The following PRLHR variants were observed in gnomAD, a reference collection of about 807,000 sequenced individuals.
The protein encoded by PRLHR is prolactin releasing hormone receptor, also known as prolactin-releasing peptide receptor.
PRLHR carries 10 observed loss-of-function variants against 9.3 expected under a neutral mutation model. That is an observed-to-expected ratio of 1.08 (90% CI 0.66 to 1.82). The LOEUF (loss-of-function observed/expected upper bound fraction) is 1.82. Ranked by LOEUF, PRLHR falls within the 40% of genes most tolerant of loss-of-function variation. PRLHR has a pLI of 0.00. For synonymous variants in PRLHR, 261 were observed against 249.3 expected (o/e 1.05, Z -0.44); for missense variants, 589 against 512.0 (o/e 1.15, Z -1.45).
rs1381101922 is a variant in PRLHR at position 118,593,892 on chromosome 10, C to T, written c.*240G>A. 4 of 506,542 alleles carry T rather than the reference C, an allele frequency of 7.9e-6. No homozygotes were observed. Among genetic ancestry groups the T allele is most frequent in the Non-Finnish European group, 1.2e-5 (4 of 335,922 alleles). The allele number at this position is 506,542 out of a possible 1,614,324, so 31.4% of individuals were successfully genotyped here. ...GGGCATAAAGAAGAAATAAGAAATC[C>T]TCTTCCCTCTCTTTGGCCTCCCCCA... On this transcript the variant is annotated 3_prime_UTR_variant, in exon 2 of 2. Transcript: ENST00000239032.
At position 118,594,808 on chromosome 10, in the gene PRLHR, T is replaced by A. The variant is rs1435424067; in HGVS notation, c.437A>T (p.Tyr146Phe). Residue 146 changes from tyrosine (Y) to phenylalanine (F), a missense_variant, in exon 2 of 2, where the codon TAT becomes TTT. Tyr to Phe is a conservative substitution (Grantham distance 22). Transcript: ENST00000239032. ...LVFFLQPVTV[Y>F]VSVFTLTTIA... The stretch of plus-strand genomic sequence containing the variant: ...GGTGGTGAGCGTGAACACCGACACA[T>A]AGACGGTGACCGGCTGCAGGAAGAA... 1.2e-6 allele frequency: 2 copies of A among 1,612,556 alleles called. No individual in the cohort carries two copies. Among genetic ancestry groups the A allele is most frequent in the African/African-American group, 2.7e-5 (2 of 74,922 alleles).
rs867378687 is a variant in PRLHR at position 118,595,221 on chromosome 10, G to T, written c.24C>A (p.Gly8=). The T allele has an allele frequency of 3.2e-6, 5 of 1,539,306 alleles. No homozygotes were observed. The South Asian group carries it at 3.6e-5, about 11-fold the overall frequency. The part of the protein sequence containing the change: MASSTTR[G]PRVSDLFSGL... ...CAGAAAATAAGTCAGAAACCCTGGG[G>T]CCCCGAGTGGTCGATGAGGCCATGG... Residue 8 remains glycine (G), a synonymous_variant, in exon 2 of 2, where the codon GGC becomes GGA. Coordinates refer to ENST00000239032, the MANE Select transcript of PRLHR (RefSeq NM_004248.3).
chr10:118,594,329 G>A lies in PRLHR; in HGVS notation c.916C>T (p.His306Tyr). 1.2e-6 allele frequency: 2 copies of A among 1,600,878 alleles called. No homozygotes were observed. Among genetic ancestry groups the A allele is most frequent in the Non-Finnish European group, 1.7e-6 (2 of 1,178,342 alleles). The change falls in exon 2 of 2, where the codon CAC (histidine) becomes TAC (tyrosine). Residue 306 changes from histidine (H) to tyrosine (Y), a missense_variant. By Grantham distance (83) the His-to-Tyr change is moderately conservative. Coordinates refer to ENST00000239032, the MANE Select transcript of PRLHR (RefSeq NM_004248.3). ...VFNLLRDLDPHAIDPYAFGLV... is the reference protein window; with the variant it reads ...VFNLLRDLDPYAIDPYAFGLV... The stretch of plus-strand genomic sequence containing the variant: ...CCAAAGGCGTAAGGGTCGATGGCGT[G>A]GGGGTCGAGGTCCCGCAGCAGGTTG...
In PRLHR at chr10:118,594,380, C is replaced by A; in HGVS notation, c.865G>T (p.Val289Phe). The part of the protein sequence containing the change: ...LLVVIVVVFA[V>F]CWLPLHVFNL... ...AAGACGTGCAGCGGCAGCCAGCAGA[C>A]GGCGAACACCACCACGATCACCACC... The change falls in exon 2 of 2, where the codon GTC (valine) becomes TTC (phenylalanine). Residue 289 changes from valine (V) to phenylalanine (F), a missense_variant. Physicochemically the swap from Val to Phe is conservative, Grantham distance 50. Transcript: ENST00000239032. 6.3e-7 allele frequency: 1 copy of A among 1,599,950 alleles called. No individual in the cohort carries two copies. The highest frequency in any genetic ancestry group is 1.1e-5 in the South Asian group (1 of 90,998).
rs192754825 is a variant in PRLHR at position 118,590,261 on chromosome 10, A to G, written c.*3871T>C. The G allele has an allele frequency of 3.3e-5, 5 of 152,306 alleles. No individual in the cohort carries two copies. In the East Asian group the frequency reaches 9.6e-4, roughly 29 times the overall value. 9.4% of individuals were successfully genotyped at this position (152,306 alleles called of 1,614,324 possible). ...TTTGTGCCTTGCATTTGAAAGACTA[A>G]CAGATGTTCAGGAATGCAAACCACA... On this transcript the variant is annotated 3_prime_UTR_variant, in exon 2 of 2. Transcript: ENST00000239032.
Position 118,591,175 on chromosome 10 carries a change from GCT to G in PRLHR, c.*2955_*2956del, listed in dbSNP as rs1491113627. 1.1e-4 allele frequency: 16 copies of G among 152,132 alleles called. No homozygotes were observed. Among genetic ancestry groups the G allele is most frequent in the African/African-American group, 3.6e-4 (15 of 41,496 alleles). 9.4% of individuals were successfully genotyped at this position (152,132 alleles called of 1,614,324 possible). ...ACTGGAGTGCAGTGGTGTAATGATA[GCT>G]CACTGCAGCCCAGTGATCCTCCCAG... is the stretch of plus-strand genomic sequence containing the variant. On this transcript the variant is annotated 3_prime_UTR_variant, in exon 2 of 2. Transcript: ENST00000239032.
chr10:118,594,599 C>A lies in PRLHR; in HGVS notation c.646G>T (p.Gly216Cys), dbSNP rs1054105395. The part of the protein sequence containing the change: ...HDVRLCEEFW[G>C]SQERQRQLYA... Reference sequence around the variant, plus strand: ...AGCTGGCGCTGGCGCTCCTGGGAGCCCCAGAACTCCTCGCAGAGGCGCACG... The same window carrying A: ...AGCTGGCGCTGGCGCTCCTGGGAGCACCAGAACTCCTCGCAGAGGCGCACG... The change falls in exon 2 of 2, where the codon GGC becomes TGC. Residue 216 changes from glycine (G) to cysteine (C), a missense_variant. Transcript: ENST00000239032. 6.4e-7 allele frequency: 1 copy of A among 1,568,270 alleles called. No homozygotes were observed. The highest frequency in any genetic ancestry group is 8.6e-7 in the Non-Finnish European group (1 of 1,157,624).
In PRLHR at chr10:118,590,120, A is replaced by G. The variant is rs1484354692; in HGVS notation, c.*4012T>C. 7 of 152,248 alleles carry G rather than the reference A, an allele frequency of 4.6e-5. No homozygotes were observed. The highest frequency in any genetic ancestry group is 1.0e-4 in the Non-Finnish European group (7 of 68,048). The allele number at this position is 152,248 out of a possible 1,614,324, so 9.4% of individuals were successfully genotyped here. On this transcript the variant is annotated 3_prime_UTR_variant, in exon 2 of 2. Coordinates refer to ENST00000239032, the MANE Select transcript of PRLHR (RefSeq NM_004248.3). ...ACACACATAGCAAAGACATCAACGC[A>G]TGAAGGTAAATCAATCAAGAACCTG...
In PRLHR at chr10:118,592,967, A is replaced by AT. The variant is rs1844446649; in HGVS notation, c.*1164_*1165insA. The AT allele has an allele frequency of 6.6e-6, 1 of 151,990 alleles. No homozygotes were observed. Among genetic ancestry groups the AT allele is most frequent in the Non-Finnish European group, 1.5e-5 (1 of 68,016 alleles). The allele number at this position is 151,990 out of a possible 1,614,324, so 9.4% of individuals were successfully genotyped here. On this transcript the variant is annotated 3_prime_UTR_variant, in exon 2 of 2. Transcript: ENST00000239032. ...CAAGGCACTTGTCCTCATTTACAGA[A>AT]CTCACAGGAGGTTAAGGTGATGATT...
Position 118,594,319 on chromosome 10 carries a change from T to C in PRLHR, c.926A>G (p.Asp309Gly), listed in dbSNP as rs779277320. 2 of 1,600,386 alleles carry C rather than the reference T, an allele frequency of 1.2e-6. No individual in the cohort carries two copies. Among genetic ancestry groups the C allele is most frequent in the Admixed American group, 3.3e-5 (2 of 59,752 alleles). The part of the protein sequence containing the change: ...LLRDLDPHAI[D>G]PYAFGLVQLL... ...CTGCACCAGCCCAAAGGCGTAAGGG[T>C]CGATGGCGTGGGGGTCGAGGTCCCG... The change falls in exon 2 of 2, where the codon GAC (aspartate) becomes GGC (glycine). Residue 309 changes from aspartate (D) to glycine (G), a missense_variant. Transcript: ENST00000239032.
In PRLHR at chr10:118,590,809, A is replaced by C. The variant is rs1844425937; in HGVS notation, c.*3323T>G. On this transcript the variant is annotated 3_prime_UTR_variant, in exon 2 of 2. Transcript: ENST00000239032. Reference sequence around the variant, plus strand: ...TCCACAACACATTTCAGATGTTGTAAGAATTAATTGCTGTTCCGTTGCTGA... The same window carrying C: ...TCCACAACACATTTCAGATGTTGTACGAATTAATTGCTGTTCCGTTGCTGA... 1 of 152,254 alleles carries C rather than the reference A, an allele frequency of 6.6e-6. No homozygotes were observed. Among genetic ancestry groups the C allele is most frequent in the African/African-American group, 2.4e-5 (1 of 41,476 alleles). The allele number at this position is 152,254 out of a possible 1,614,324, so 9.4% of individuals were successfully genotyped here. A position where few individuals can be genotyped will look rare whatever the true frequency, so the allele number is the denominator to read the frequency against.
In PRLHR at chr10:118,594,624, G is replaced by A. The variant is rs771908135; in HGVS notation, c.621C>T (p.Asp207=). The A allele has an allele frequency of 2.5e-6, 4 of 1,578,930 alleles. No homozygotes were observed. Among genetic ancestry groups the A allele is most frequent in the South Asian group, 2.3e-5 (2 of 87,846 alleles). ...HTYHVELKPH[D]VRLCEEFWGS... ...CCCAGAACTCCTCGCAGAGGCGCAC[G>A]TCGTGCGGCTTGAGCTCCACGTGAT... Residue 207 remains aspartate (D), a synonymous_variant, in exon 2 of 2, where the codon GAC becomes GAT. Coordinates refer to ENST00000239032, the MANE Select transcript of PRLHR (RefSeq NM_004248.3).
Position 118,591,972 on chromosome 10 carries a change from G to T in PRLHR, c.*2160C>A, listed in dbSNP as rs1375062210. ...GGTCCCCCAAAATGCTGGGATTACA[G>T]GTGTAAGCCACCATGCCCAGCCCTA... On this transcript the variant is annotated 3_prime_UTR_variant, in exon 2 of 2. Transcript: ENST00000239032. The T allele has an allele frequency of 6.6e-6, 1 of 152,048 alleles. No homozygotes were observed. The highest frequency in any genetic ancestry group is 1.5e-5 in the Non-Finnish European group (1 of 68,032). The allele number at this position is 152,048 out of a possible 1,614,324, so 9.4% of individuals were successfully genotyped here.
In PRLHR at chr10:118,594,446, C is replaced by A. The variant is rs1265512946; in HGVS notation, c.799G>T (p.Asp267Tyr). 2.5e-6 allele frequency: 4 copies of A among 1,601,920 alleles called. No individual in the cohort carries two copies. The highest frequency in any genetic ancestry group is 1.7e-4 in the Middle Eastern group (1 of 6,058). ...CGCCGGCGCCGAGCGCGGTCCCAGT[C>A]GGCCTGGCTCTGGGTCACGCAGCCC... ...VPGCVTQSQA[D>Y]WDRARRRRTF... Residue 267 changes from aspartate (D) to tyrosine (Y), a missense_variant, in exon 2 of 2, where the codon GAC (aspartate) becomes TAC (tyrosine). Coordinates refer to ENST00000239032, the MANE Select transcript of PRLHR (RefSeq NM_004248.3).
In PRLHR at chr10:118,594,586, C is replaced by T. The variant is rs8192522; in HGVS notation, c.659G>A (p.Arg220His). The change falls in exon 2 of 2, where the codon CGC becomes CAC. Residue 220 changes from arginine to histidine, a missense_variant. Transcript: ENST00000239032. ...CCCCCAGGCGTAGAGCTGGCGCTGGCGCTCCTGGGAGCCCCAGAACTCCTC... is the reference window on the plus strand; with the variant it reads ...CCCCCAGGCGTAGAGCTGGCGCTGGTGCTCCTGGGAGCCCCAGAACTCCTC... Reference protein sequence around the residue: ...LCEEFWGSQERQRQLYAWGLL... With the variant: ...LCEEFWGSQEHQRQLYAWGLL... 22 of 1,559,282 alleles carry T rather than the reference C, an allele frequency of 1.4e-5. No individual in the cohort carries two copies. Among genetic ancestry groups the T allele is most frequent in the Admixed American group, 3.8e-5 (2 of 53,042 alleles).
At position 118,595,023 on chromosome 10, in the gene PRLHR, C is replaced by T; in HGVS notation, c.222G>A (p.Gly74=). The T allele has an allele frequency of 6.2e-7, 1 of 1,612,326 alleles. No homozygotes were observed. The highest frequency in any genetic ancestry group is 8.5e-7 in the Non-Finnish European group (1 of 1,179,168). Residue 74 remains glycine (G), a synonymous_variant, in exon 2 of 2, where the codon GGG becomes GGA. Transcript: ENST00000239032. ...VLLYSVVVVV[G]LVGNCLLVLV... ...GCACCAGCAGGCAGTTGCCCACCAGCCCCACGACCACCACGACGCTGTAGA... is the reference window on the plus strand; with the variant it reads ...GCACCAGCAGGCAGTTGCCCACCAGTCCCACGACCACCACGACGCTGTAGA...
chr10:118,594,303 C>A lies in PRLHR; in HGVS notation c.942G>T (p.Gly314=). 3 of 1,603,128 alleles carry A rather than the reference C, an allele frequency of 1.9e-6. No individual in the cohort carries two copies. The highest frequency in any genetic ancestry group is 2.5e-6 in the Non-Finnish European group (3 of 1,177,504). ...GCCAGTGGCAGAGCAGCTGCACCAG[C>A]CCAAAGGCGTAAGGGTCGATGGCGT... ...DPHAIDPYAF[G]LVQLLCHWLA... is the part of the protein sequence containing the mutation. The change falls in exon 2 of 2, where the codon GGG becomes GGT. Residue 314 remains glycine (G), a synonymous_variant. Transcript: ENST00000239032.
At position 118,594,058 on chromosome 10, in the gene PRLHR, C is replaced by T. The variant is rs900176082; in HGVS notation, c.*74G>A. Reference sequence around the variant, plus strand: ...TAGCTCTGGTGCTGAGAATAAGCACCAGATTGACCTCGAGTGGTGCCCTAG... The same window carrying T: ...TAGCTCTGGTGCTGAGAATAAGCACTAGATTGACCTCGAGTGGTGCCCTAG... On this transcript the variant is annotated 3_prime_UTR_variant, in exon 2 of 2. Coordinates refer to ENST00000239032, the MANE Select transcript of PRLHR (RefSeq NM_004248.3). The T allele has an allele frequency of 6.7e-7, 1 of 1,496,826 alleles. No homozygotes were observed. Among genetic ancestry groups the T allele is most frequent in the African/African-American group, 1.4e-5 (1 of 71,454 alleles). The allele number at this position is 1,496,826 out of a possible 1,614,324, so 92.7% of individuals were successfully genotyped here.
chr10:118,594,527 C>A lies in PRLHR; in HGVS notation c.718G>T (p.Val240Phe), dbSNP rs770019134. 2 of 1,580,058 alleles carry A rather than the reference C, an allele frequency of 1.3e-6. No individual in the cohort carries two copies. Among genetic ancestry groups the A allele is most frequent in the Non-Finnish European group, 1.7e-6 (2 of 1,164,192 alleles). Residue 240 changes from valine (V) to phenylalanine (F), a missense_variant, in exon 2 of 2, where the codon GTC (valine) becomes TTC (phenylalanine). Physicochemically the swap from Val to Phe is conservative, Grantham distance 50. Coordinates refer to ENST00000239032, the MANE Select transcript of PRLHR (RefSeq NM_004248.3). ...LLVTYLLPLLVILLSYVRVSV... is the reference protein window; with the variant it reads ...LLVTYLLPLLFILLSYVRVSV... ...ACCCGGACGTAAGACAGGAGGATGA[C>A]CAGCAGAGGGAGCAGGTAGGTGACC...
Sources: allele counts gnomAD v4.1 joint callset, GRCh38; gene constraint gnomAD v4.1.1; transcripts MANE v1.5; gene names NCBI Gene and HGNC (gene_info 2026-07-23, HGNC 2026-07-21).